Variants in GRIK2 observed in about 807,000 individuals in gnomAD.
GRIK2 encodes the protein glutamate receptor ionotropic, kainate 2.
In GRIK2, 32 loss-of-function variants were observed where a neutral mutation model predicts 100.3. The ratio of observed to expected loss-of-function variants is 0.32; its 90% confidence interval spans 0.24 to 0.43. The LOEUF is 0.43. Among genes scored for constraint, GRIK2 ranks in the 20% least tolerant of loss-of-function variants. The pLI, the probability that GRIK2 is intolerant of heterozygous loss-of-function variation, is 1.00. For missense variants in GRIK2, 843 were observed against 1,114.9 expected, an observed-to-expected ratio of 0.76 and a Z score of 3.47; for synonymous variants, 417 against 389.4, an observed-to-expected ratio of 1.07 and a Z score of -0.83.
chr6:101,651,440 C>A (rs1049519571), intron 4 of GRIK2, among the ~76,000 whole-genome samples: 3 of 152,080 alleles, frequency 2.0e-5, no homozygotes, highest in Non-Finnish European at 2.9e-5. Context: ...ATCCCTGCCT[C>A]CCTGGAGTTT....
intron 9 of GRIK2, among the ~76,000 whole-genome samples, chr6:101,809,612 CT>C (rs1781207120): frequency 6.6e-6 from 1 of 152,034 alleles, no homozygotes; most frequent in South Asian, 2.1e-4. Context: ...TGACCCCCAA[CT>C]TGTCCAGGAA....
At chr6:101,899,006 C>A (rs1228751514) in intron 12 of GRIK2, among the ~76,000 whole-genome samples, 1 of 151,598 alleles carries the variant, frequency 6.6e-6, no homozygotes, top group Non-Finnish European at 1.5e-5. Flanking sequence ...TTTTACATTC[C>A]ATTACATAAT....
chr6:101,599,602 T>A (rs1221467963), intron 2 of GRIK2, among the ~76,000 whole-genome samples: 1 of 151,934 alleles, frequency 6.6e-6, no homozygotes, highest in Non-Finnish European at 1.5e-5. Flanking sequence ...ATAGCCATTC[T>A]GACTGGTGTA....
intron 10 of GRIK2, among the ~76,000 whole-genome samples, chr6:101,850,164 AAGT>A (rs1243743345): frequency 2.0e-5 from 3 of 152,004 alleles, no homozygotes; most frequent in African/African-American, 7.2e-5. Context: ...TAATGAAGCA[AAGT>A]AGACGTGTAA....
At chr6:101,498,928 C>T (rs1433633828) in intron 2 of GRIK2, among the ~76,000 whole-genome samples, 1 of 152,062 alleles carries the variant, frequency 6.6e-6, no homozygotes, top group African/African-American at 2.4e-5. Flanking sequence ...GTGTTTTAGA[C>T]CTGAAGTCCT....
rs527335995 is a variant in GRIK2 at position 101,900,217 on chromosome 6, C to T, written c.1748+10354C>T. On this transcript the variant is annotated intron_variant, in intron 12 of 16. Transcript: ENST00000369134. ...CTGTGGCTCACGCTTGTAATCCCAG[C>T]ACTTTGGGAGGCCGAGGTGGGCAGA... 2.7e-3 allele frequency among the ~76,000 whole-genome samples: 412 copies of T among 152,234 alleles called. 1 individual carries two copies. Among genetic ancestry groups the T allele is most frequent in the African/African-American group, 9.4e-3 (390 of 41,552 alleles).
intron 2 of GRIK2, among the ~76,000 whole-genome samples, chr6:101,521,365 A>G (rs1774875089): frequency 6.6e-6 from 1 of 151,944 alleles, no homozygotes; most frequent in South Asian, 2.1e-4. Context: ...AAGCTAATCC[A>G]TACTTACAAT....
At chr6:102,025,322 A>G (rs1159843858) in intron 14 of GRIK2, among the ~76,000 whole-genome samples, 3 of 151,246 alleles carry the variant, frequency 2.0e-5, no homozygotes, top group Non-Finnish European at 4.4e-5. Flanking sequence ...TTCTTCTAGT[A>G]GGAAGAGAGA....
intron 4 of GRIK2, among the ~76,000 whole-genome samples, chr6:101,637,048 G>C (rs942696851): frequency 6.6e-6 from 1 of 151,986 alleles, no homozygotes. Context: ...CATTCTATCT[G>C]TGTTACCTCC....
chr6:101,974,414 TA>T (rs995708876), intron 14 of GRIK2, among the ~76,000 whole-genome samples: 43 of 151,922 alleles, frequency 2.8e-4, no homozygotes, highest in African/African-American at 1.0e-3. Flanking sequence ...GAATGCTAGC[TA>T]AAAAAGTGGC....
At chr6:101,873,900 A>C (rs1785613956) in intron 11 of GRIK2, among the ~76,000 whole-genome samples, 1 of 152,138 alleles carries the variant, frequency 6.6e-6, no homozygotes, top group Non-Finnish European at 1.5e-5. Context: ...TCTTCTTTGG[A>C]GAAGTGTCTG....
intron 2 of GRIK2, among the ~76,000 whole-genome samples, chr6:101,535,422 A>G (rs1775641859): frequency 6.6e-6 from 1 of 151,780 alleles, no homozygotes; most frequent in African/African-American, 2.4e-5. Flanking sequence ...TTTCCTGTCC[A>G]TGTTAGATAA....
At chr6:101,605,697 A>G (rs1779410771) in intron 2 of GRIK2, among the ~76,000 whole-genome samples, 1 of 151,946 alleles carries the variant, frequency 6.6e-6, no homozygotes, top group Admixed American at 6.6e-5. Flanking sequence ...AAACAAACAA[A>G]AACACTTTAA....
intron 4 of GRIK2, among the ~76,000 whole-genome samples, chr6:101,667,002 G>T (rs926001480): frequency 3.3e-5 from 5 of 152,102 alleles, no homozygotes; most frequent in African/African-American, 1.2e-4. Context: ...ATGCTTATAA[G>T]GGAGAAAACT....
At chr6:101,733,041 T>C (rs1775385387) in intron 7 of GRIK2, among the ~76,000 whole-genome samples, 2 of 152,206 alleles carry the variant, frequency 1.3e-5, no homozygotes, top group East Asian at 3.9e-4. Flanking sequence ...ATTGGGAAAT[T>C]AAGGCTTCAA....
intron 7 of GRIK2, among the ~76,000 whole-genome samples, chr6:101,717,837 ATGTC>A (rs1182777552): frequency 6.6e-6 from 1 of 151,784 alleles, no homozygotes. Flanking sequence ...ATTTAACAAA[ATGTC>A]TGTATGTAAG....
chr6:101,866,519 A>G (rs1170814049), intron 11 of GRIK2, among the ~76,000 whole-genome samples: 1 of 152,148 alleles, frequency 6.6e-6, no homozygotes, highest in East Asian at 1.9e-4. Context: ...CCGAAAAACA[A>G]ATTTCATTAG....
intron 14 of GRIK2, among the ~76,000 whole-genome samples, chr6:101,972,570 G>A (rs1404089629): frequency 6.6e-6 from 1 of 151,636 alleles, no homozygotes; most frequent in Non-Finnish European, 1.5e-5. Context: ...TCTGTCGATA[G>A]TTTCTTTAAT....
intron 12 of GRIK2, among the ~76,000 whole-genome samples, chr6:101,891,232 A>G (rs917472051): frequency 3.9e-5 from 6 of 151,932 alleles, no homozygotes; most frequent in Admixed American, 6.6e-5. Context: ...AAGTAGCATA[A>G]TATTGGCCGG....
Sources: gnomAD v4.1 joint callset for allele counts (sites outside exome capture counted in the v4.1 genomes callset) on GRCh38, gnomAD v4.1.1 for gene constraint, MANE v1.5 for transcripts, NCBI Gene and HGNC (gene_info 2026-07-23, HGNC 2026-07-21) for gene names.